The following GLCE variants were observed in gnomAD, a reference collection of about 807,000 sequenced individuals.
The protein encoded by GLCE is D-glucuronyl C5-epimerase.
GLCE carries 19 observed loss-of-function variants against 47.9 expected under a neutral mutation model. The observed-to-expected ratio is 0.40, with a 90% CI of 0.28 to 0.58. The LOEUF is 0.58. Among genes scored for constraint, GLCE ranks in the 20% least tolerant of loss-of-function variants. GLCE has a pLI of 0.48. For missense variants in GLCE, 556 were observed against 743.3 expected, an observed-to-expected ratio of 0.75 and a Z score of 2.93; for synonymous variants, 245 against 263.4, an observed-to-expected ratio of 0.93 and a Z score of 0.68.
chr15:69,193,907 A>C (rs2051949707), intron 1 of GLCE, among the ~76,000 whole-genome samples: 1 of 152,100 alleles, frequency 6.6e-6, no homozygotes, highest in Non-Finnish European at 1.5e-5. Flanking sequence ...TTTTACCTTC[A>C]TAGTTAAATT....
chr15:69,221,949 ATGT>A (rs2052382905), intron 2 of GLCE, among the ~76,000 whole-genome samples: 1 of 149,630 alleles, frequency 6.7e-6, no homozygotes, highest in South Asian at 2.1e-4. Context: ...ATGAGGGCTG[ATGT>A]TCTTTTTTCC....
At chr15:69,260,252 G>GTTTTT (rs34911776) in intron 3 of GLCE, among the ~76,000 whole-genome samples, 7 of 79,244 alleles carry the variant, frequency 8.8e-5, no homozygotes, top group East Asian at 4.2e-4. Flanking sequence ...GTCACAACTG[G>GTTTTT]TTTTTTTTTT....
chr15:69,220,930 A>G (rs2052369176), intron 2 of GLCE, among the ~76,000 whole-genome samples: 1 of 152,186 alleles, frequency 6.6e-6, no homozygotes, highest in African/African-American at 2.4e-5. Flanking sequence ...TAAGTCTTTC[A>G]TCTATTTTTG....
chr15:69,223,522 C>T (rs1008811074), intron 2 of GLCE, among the ~76,000 whole-genome samples: 11 of 152,186 alleles, frequency 7.2e-5, no homozygotes, highest in Admixed American at 1.3e-4. Flanking sequence ...CTTTGGCTTT[C>T]GATAGTTTCA....
chr15:69,269,656 TA>T lies in GLCE; in HGVS notation c.*420del, dbSNP rs1410776497. ...TTATATTTATGTTGAAAGCGGACTTTAAAAAAAATAATGTGCTGTAACACAG... is the reference window on the plus strand; with the variant it reads ...TTATATTTATGTTGAAAGCGGACTTTAAAAAAATAATGTGCTGTAACACAG... On this transcript the variant is annotated 3_prime_UTR_variant, in exon 5 of 5. Transcript: ENST00000261858. 3.7e-5 allele frequency: 6 copies of T among 160,742 alleles called. No homozygotes were observed. The highest frequency in any genetic ancestry group is 2.5e-4 in the Admixed American group (4 of 16,134). 10.0% of individuals were successfully genotyped at this position (160,742 alleles called of 1,614,324 possible). A position where few individuals can be genotyped will look rare whatever the true frequency, so the allele number is the denominator to read the frequency against.
At chr15:69,218,853 A>G (rs2052341577) in intron 2 of GLCE, among the ~76,000 whole-genome samples, 1 of 152,224 alleles carries the variant, frequency 6.6e-6, no homozygotes, top group African/African-American at 2.4e-5. Context: ...TGCTGTTAGC[A>G]GTAAAAATAC....
intron 1 of GLCE, among the ~76,000 whole-genome samples, chr15:69,191,362 C>T (rs2051910918): frequency 6.6e-6 from 1 of 152,042 alleles, no homozygotes; most frequent in Non-Finnish European, 1.5e-5. Context: ...GCTAGGAGGA[C>T]TCGGGACTTA....
At chr15:69,225,958 T>C (rs969416273) in intron 2 of GLCE, among the ~76,000 whole-genome samples, 5 of 152,062 alleles carry the variant, frequency 3.3e-5, no homozygotes, top group African/African-American at 9.7e-5. Flanking sequence ...GTGTTACATA[T>C]ATGACGTTTC....
At chr15:69,178,291 C>T (rs899217308) in intron 1 of GLCE, among the ~76,000 whole-genome samples, 1 of 152,024 alleles carries the variant, frequency 6.6e-6, no homozygotes, top group African/African-American at 2.4e-5. Flanking sequence ...AAAAAATATA[C>T]AAATGGCTTT....
chr15:69,247,192 C>G (rs538185168), intron 2 of GLCE, among the ~76,000 whole-genome samples: 1 of 152,330 alleles, frequency 6.6e-6, no homozygotes, highest in South Asian at 2.1e-4. Flanking sequence ...ACTGCTTTGT[C>G]TACATTGAAA....
chr15:69,201,612 A>G (rs1468103846), intron 1 of GLCE, among the ~76,000 whole-genome samples: 1 of 148,430 alleles, frequency 6.7e-6, no homozygotes, highest in South Asian at 2.2e-4. Flanking sequence ...TCACTACAGC[A>G]GTGTTTTACA....
chr15:69,176,216 G>GTTTTTTTTTTTTTTTT (rs35017106), intron 1 of GLCE, among the ~76,000 whole-genome samples: 3 of 63,388 alleles, frequency 4.7e-5, no homozygotes, highest in Admixed American at 2.8e-4. Flanking sequence ...GTGGAACCTT[G>GTTTTTTTTTTTTTTTT]TTTTTTTTTT....
chr15:69,250,549 C>T (rs1008834788), intron 2 of GLCE, among the ~76,000 whole-genome samples: 1 of 151,298 alleles, frequency 6.6e-6, no homozygotes, highest in African/African-American at 2.4e-5. Flanking sequence ...GCTGTGTTGC[C>T]CAGGCTGGAA....
intron 4 of GLCE, among the ~76,000 whole-genome samples, chr15:69,266,313 G>A (rs939366885): frequency 9.2e-5 from 14 of 152,052 alleles, no homozygotes; most frequent in Non-Finnish European, 7.4e-5. Context: ...ACTATCATCA[G>A]TTCACATTCC....
At chr15:69,259,284 T>G (rs529538084) in intron 3 of GLCE, among the ~76,000 whole-genome samples, 6 of 152,308 alleles carry the variant, frequency 3.9e-5, no homozygotes, top group African/African-American at 1.4e-4. Flanking sequence ...GTTAGAGATG[T>G]TTCTTCAATC....
At chr15:69,178,294 A>G (rs1304069820) in intron 1 of GLCE, among the ~76,000 whole-genome samples, 3 of 152,182 alleles carry the variant, frequency 2.0e-5, no homozygotes, top group African/African-American at 7.2e-5. Context: ...AAATATACAA[A>G]TGGCTTTAAG....
At chr15:69,264,665 G>A (rs1358857356) in intron 4 of GLCE, among the ~76,000 whole-genome samples, 2 of 152,086 alleles carry the variant, frequency 1.3e-5, no homozygotes, top group Non-Finnish European at 2.9e-5. Flanking sequence ...AAGTGCGCAA[G>A]GGTTTCCCTT....
rs775733394 is a variant in GLCE at position 69,256,227 on chromosome 15, G to C, written c.421G>C (p.Gly141Arg). 6.2e-7 allele frequency: 1 copy of C among 1,613,988 alleles called. No individual in the cohort carries two copies. The change falls in exon 3 of 5, where the codon GGA (glycine) becomes CGA (arginine). Residue 141 changes from glycine (G) to arginine (R), a missense_variant. Physicochemically the swap from Gly to Arg is moderately radical, Grantham distance 125. Coordinates refer to ENST00000261858, the MANE Select transcript of GLCE (RefSeq NM_015554.3). ...GGTTGAGAAATATTTTGATGTTTATGGAAAGGTGGTTCAGTATGATGGCTA... is the reference window on the plus strand; with the variant it reads ...GGTTGAGAAATATTTTGATGTTTATCGAAAGGTGGTTCAGTATGATGGCTA... ...TWVEKYFDVY[G>R]KVVQYDGYDR... is the part of the protein sequence containing the mutation.
At chr15:69,205,536 A>G (rs1271196165) in intron 1 of GLCE, among the ~76,000 whole-genome samples, 1 of 152,118 alleles carries the variant, frequency 6.6e-6, no homozygotes, top group Non-Finnish European at 1.5e-5. Context: ...GGTGGGTCAT[A>G]TGGTAAATAT....
Sources: allele counts gnomAD v4.1 joint callset (sites outside exome capture counted in the v4.1 genomes callset), GRCh38; gene constraint gnomAD v4.1.1; transcripts MANE v1.5; gene names NCBI Gene and HGNC (gene_info 2026-07-23, HGNC 2026-07-21).